UBE3A: variants seen among roughly 807,000 people sequenced by gnomAD.
UBE3A encodes ubiquitin protein ligase E3A.
In UBE3A, 6 loss-of-function variants were observed where a neutral mutation model predicts 83.4. That is an observed-to-expected ratio of 0.07 (90% CI 0.04 to 0.14). The LOEUF (loss-of-function observed/expected upper bound fraction) is 0.14, where lower values mean the gene tolerates loss of function less well. Ranked by LOEUF, UBE3A falls within the 10% of genes least tolerant of loss-of-function variation. The pLI is 1.00. For synonymous variants in UBE3A, 337 were observed against 355.4 expected (o/e 0.95, Z 0.58); for missense variants, 456 against 1,036.1 (o/e 0.44, Z 7.69).
intron 4 of UBE3A, among the ~76,000 whole-genome samples, chr15:25,405,124 C>T (rs1178368745): frequency 6.6e-6 from 1 of 152,062 alleles, no homozygotes; most frequent in African/African-American, 2.4e-5. Context: ...GTATCTATAA[C>T]ATAGTACTTG....
intron 6 of UBE3A, among the ~76,000 whole-genome samples, chr15:25,366,720 G>A (rs954308554): frequency 1.3e-5 from 2 of 151,952 alleles, no homozygotes; most frequent in Non-Finnish European, 2.9e-5. Flanking sequence ...AAACATACTT[G>A]TATATCAAAA....
intron 4 of UBE3A, among the ~76,000 whole-genome samples, chr15:25,377,873 T>TA (rs1254738008): frequency 1.3e-5 from 2 of 152,004 alleles, no homozygotes; most frequent in African/African-American, 4.8e-5. Flanking sequence ...GTCTTCCTGA[T>TA]ATATCACTAA....
chr15:25,367,295 T>A (rs900817417), intron 6 of UBE3A, among the ~76,000 whole-genome samples: 5 of 139,632 alleles, frequency 3.6e-5, no homozygotes, highest in South Asian at 4.4e-4. Flanking sequence ...ATTAAATTAA[T>A]TTACATATTA....
intron 3 of UBE3A, 51 bp downstream of exon 3, chr15:25,409,037 T>C: frequency 1.3e-6 from 2 of 1,547,314 alleles, no homozygotes; most frequent in Admixed American, 3.8e-5. Flanking sequence ...CAGTATGTAT[T>C]TCACTTTACA....
Position 25,350,668 on chromosome 15 carries a change from A to G in UBE3A, c.2354+3685T>C, listed in dbSNP as rs189805504. ...ACACAGCTTTATTCACAATAGTCCC[A>G]AACTGGAAACAATCCAACTGTCCAC... is the stretch of plus-strand genomic sequence containing the variant. On this transcript the variant is annotated intron_variant, in intron 11 of 12. Transcript: ENST00000648336. Among the ~76,000 whole-genome samples the G allele has an allele frequency of 9.2e-5, 14 of 152,316 alleles. No individual in the cohort carries two copies. The East Asian group carries it at 2.7e-3, about 29-fold the overall frequency.
intron 1 of UBE3A, among the ~76,000 whole-genome samples, chr15:25,427,631 A>AAAAC (rs1311491781): frequency 8.7e-6 from 1 of 115,254 alleles, no homozygotes; most frequent in South Asian, 3.2e-4. Context: ...AAAAAAAAAA[A>AAAAC]CCCACAAAAC....
chr15:25,356,227 TGTCA>T (rs2077192761), intron 8 of UBE3A, among the ~76,000 whole-genome samples, 171 bp from the exon 9 acceptor site: 1 of 151,992 alleles, frequency 6.6e-6, no homozygotes, highest in Non-Finnish European at 1.5e-5. Context: ...AAAGAAAGAT[TGTCA>T]GTCACTGTGA....
chr15:25,350,110 T>A (rs1351655749), intron 11 of UBE3A, among the ~76,000 whole-genome samples: 2 of 151,976 alleles, frequency 1.3e-5, no homozygotes, highest in African/African-American at 4.8e-5. Context: ...TACAAAAAAA[T>A]AACCAACTAA....
intron 4 of UBE3A, among the ~76,000 whole-genome samples, chr15:25,387,461 G>A (rs1457778594): frequency 6.6e-6 from 1 of 152,132 alleles, no homozygotes; most frequent in Non-Finnish European, 1.5e-5. Context: ...GGCGGAGCTT[G>A]CGGTGAGCCG....
chr15:25,376,018 G>C (rs1459645270), intron 4 of UBE3A, among the ~76,000 whole-genome samples: 1 of 151,932 alleles, frequency 6.6e-6, no homozygotes. Context: ...CATTCCTTTG[G>C]TTTAAAAGGG....
intron 4 of UBE3A, among the ~76,000 whole-genome samples, chr15:25,386,257 C>T (rs1025659098): frequency 3.9e-5 from 6 of 152,160 alleles, no homozygotes; most frequent in African/African-American, 1.4e-4. Context: ...CACCTTACAA[C>T]CACATTACTA....
At chr15:25,382,321 A>G (rs988432285) in intron 4 of UBE3A, among the ~76,000 whole-genome samples, 1 of 144,382 alleles carries the variant, frequency 6.9e-6, no homozygotes, top group Non-Finnish European at 1.5e-5. Context: ...ACTCTGTCTC[A>G]AAAAAAAAAA....
chr15:25,342,011 C>CT (rs1371659866), intron 11 of UBE3A, among the ~76,000 whole-genome samples: 1 of 152,032 alleles, frequency 6.6e-6, no homozygotes, highest in Admixed American at 6.5e-5. Flanking sequence ...TTCCCTGCCC[C>CT]TTTACAAATC....
In UBE3A at chr15:25,337,138, T is replaced by A. The variant is rs567419106; in HGVS notation, c.*1999A>T. On this transcript the variant is annotated 3_prime_UTR_variant, in exon 13 of 13. Transcript: ENST00000648336. ...TTGATGTGAACAACTCTATATCTGA[T>A]AACCTATTTCAATTACCACTTTAAA... The A allele has an allele frequency of 6.6e-6, 1 of 152,314 alleles. No homozygotes were observed. Among genetic ancestry groups the A allele is most frequent in the South Asian group, 2.1e-4 (1 of 4,832 alleles). The allele number at this position is 152,314 out of a possible 1,614,324, so 9.4% of individuals were successfully genotyped here.
In UBE3A at chr15:25,408,837, A is replaced by G. The variant is rs116271705; in HGVS notation, c.20+251T>C. ...TAATGTTTATAGTAAAATGTTTAAA[A>G]CCTTGAAGTTTTTTTGAGAAATACT... On this transcript the variant is annotated intron_variant, in intron 3 of 12. Transcript: ENST00000648336. The G allele has an allele frequency of 7.8e-3, 6,300 of 807,906 alleles. 292 individuals are homozygous for G. In the African/African-American group the frequency reaches 0.095, roughly 12 times the overall value. The allele number at this position is 807,906 out of a possible 1,614,324, so 50.0% of individuals were successfully genotyped here. A position where few individuals can be genotyped will look rare whatever the true frequency, so the allele number is the denominator to read the frequency against.
chr15:25,346,072 A>ACCTTTCCTGCAAGTGTTCC (rs1223487899), intron 11 of UBE3A: 1 of 152,182 alleles, frequency 6.6e-6, no homozygotes, highest in Non-Finnish European at 1.5e-5. Context: ...GGCAGTGTTC[A>ACCTTTCCTGCAAGTGTTCC]CCTTTCCTGC....
chr15:25,435,625 A>T (rs901952036), intron 1 of UBE3A, among the ~76,000 whole-genome samples: 7 of 152,176 alleles, frequency 4.6e-5, no homozygotes, highest in African/African-American at 1.7e-4. Context: ...TCTATGAACA[A>T]GGGAAGAGGG....
chr15:25,359,997 T>A (rs1274355343), intron 7 of UBE3A, among the ~76,000 whole-genome samples: 2 of 152,202 alleles, frequency 1.3e-5, no homozygotes, highest in Admixed American at 1.3e-4. Flanking sequence ...TGAGACAGTC[T>A]CTCAATACTC....
At chr15:25,353,967 A>G (rs1484347345) in intron 11 of UBE3A, 1 of 253,618 alleles carries the variant, frequency 3.9e-6, no homozygotes, top group Non-Finnish European at 7.7e-6. Flanking sequence ...ATTTCACTCA[A>G]AAAGTGCTTG....
Sources: gnomAD v4.1 joint callset for allele counts (sites outside exome capture counted in the v4.1 genomes callset) on GRCh38, gnomAD v4.1.1 for gene constraint, MANE v1.5 for transcripts, NCBI Gene and HGNC (gene_info 2026-07-23, HGNC 2026-07-21) for gene names.